NOS1: variants seen among roughly 807,000 people sequenced by gnomAD.
NOS1 encodes nitric oxide synthase 1.
In NOS1, 51 loss-of-function variants were observed where a neutral mutation model predicts 164.5. The ratio of observed to expected loss-of-function variants is 0.31; its 90% CI spans 0.25 to 0.39. NOS1 has a LOEUF of 0.39. Ranked by LOEUF, NOS1 falls within the 10% of genes least tolerant of loss-of-function variation. The pLI is 1.00. For synonymous variants in NOS1, 719 were observed against 745.8 expected, an observed-to-expected ratio of 0.96 and a Z score of 0.59; for missense variants, 1,362 against 1,885.6, an observed-to-expected ratio of 0.72 and a Z score of 5.14.
Position 117,331,098 on chromosome 12 carries a change from G to T in NOS1, c.-29C>A, listed in dbSNP as rs758097024. ...AACTAGCTTCCGAGGGGTCCTGTCT[G>T]AAGACCTCACAATGCTATCAGGCCA... On this transcript the variant is annotated 5_prime_UTR_variant, in exon 2 of 29. Transcript: ENST00000317775. 4.1e-4 allele frequency: 650 copies of T among 1,584,912 alleles called. No individual in the cohort carries two copies. The highest frequency in any genetic ancestry group is 5.5e-4 in the Non-Finnish European group (639 of 1,163,988).
chr12:117,294,889 T>C (rs1337614128), intron 3 of NOS1, among the ~76,000 whole-genome samples: 1 of 152,252 alleles, frequency 6.6e-6, no homozygotes, highest in Non-Finnish European at 1.5e-5. Flanking sequence ...GGCATTTTCA[T>C]AGCCTTGTCA....
chr12:117,225,276 C>G (rs567310181), intron 24 of NOS1, 139 bp from the exon 25 acceptor site: 1 of 1,145,940 alleles, frequency 8.7e-7, no homozygotes, highest in South Asian at 1.6e-5. Context: ...CCAGGTGCCC[C>G]TTTCCAGGGT....
At position 117,210,922 on chromosome 12, in the gene NOS1, C is replaced by T. The variant is rs1218456557; in HGVS notation, c.*4387G>A. The T allele has an allele frequency of 1.1e-5, 11 of 984,544 alleles. No homozygotes were observed. Among genetic ancestry groups the T allele is most frequent in the Non-Finnish European group, 1.3e-5 (11 of 829,228 alleles). 61.0% of individuals were successfully genotyped at this position (984,544 alleles called of 1,614,324 possible). A position where few individuals can be genotyped will look rare whatever the true frequency, so the allele number is the denominator to read the frequency against. On this transcript the variant is annotated 3_prime_UTR_variant, in exon 29 of 29. Coordinates refer to ENST00000317775, the MANE Select transcript of NOS1 (RefSeq NM_000620.5). Reference sequence around the variant, plus strand: ...GAGCCTGCTCTTCAGAGACCTCTCTCTCAGCTAGGGGCAAGATGTTTTATT... The same window carrying T: ...GAGCCTGCTCTTCAGAGACCTCTCTTTCAGCTAGGGGCAAGATGTTTTATT...
At chr12:117,351,062 C>T (rs1386640830) in intron 1 of NOS1, among the ~76,000 whole-genome samples, 4 of 151,896 alleles carry the variant, frequency 2.6e-5, no homozygotes, top group African/African-American at 4.8e-5. Context: ...TGCAGTGAGC[C>T]GAGATCGCGC....
At chr12:117,297,638 G>A (rs1172950886) in intron 3 of NOS1, among the ~76,000 whole-genome samples, 1 of 152,118 alleles carries the variant, frequency 6.6e-6, no homozygotes, top group Non-Finnish European at 1.5e-5. Flanking sequence ...GTATCCGCCT[G>A]CCTTGGCCTC....
At chr12:117,223,098 T>A (rs1202434653) in intron 25 of NOS1, among the ~76,000 whole-genome samples, 3 of 152,046 alleles carry the variant, frequency 2.0e-5, no homozygotes, top group Non-Finnish European at 4.4e-5. Context: ...GGAGGTGAAG[T>A]GTGTTCAGAT....
At chr12:117,359,316 T>G (rs1038886560) in intron 1 of NOS1, among the ~76,000 whole-genome samples, 1 of 152,244 alleles carries the variant, frequency 6.6e-6, no homozygotes, top group Non-Finnish European at 1.5e-5. Context: ...CCCTGCGCAC[T>G]TGGGGAGCTG....
chr12:117,288,706 T>G (rs41359947), intron 4 of NOS1, among the ~76,000 whole-genome samples: 18 of 152,204 alleles, frequency 1.2e-4, no homozygotes, highest in African/African-American at 3.9e-4. Context: ...GGGCTGGTTT[T>G]GACCCTTAGG....
chr12:117,349,030 G>A (rs1376841917), intron 1 of NOS1, among the ~76,000 whole-genome samples: 1 of 152,322 alleles, frequency 6.6e-6, no homozygotes, highest in Non-Finnish European at 1.5e-5. Flanking sequence ...AAAGAAACTC[G>A]TTGTACCATA....
At chr12:117,360,885 C>A (rs1877110224) in intron 1 of NOS1, among the ~76,000 whole-genome samples, 1 of 152,192 alleles carries the variant, frequency 6.6e-6, no homozygotes, top group Non-Finnish European at 1.5e-5. Flanking sequence ...CAGCGCACAG[C>A]TCGGAGCCAA....
Position 117,260,494 on chromosome 12 carries a change from C to T in NOS1, c.2338G>A (p.Glu780Lys). 1 of 1,614,138 alleles carries T rather than the reference C, an allele frequency of 6.2e-7. No individual in the cohort carries two copies. Among genetic ancestry groups the T allele is most frequent in the Non-Finnish European group, 8.5e-7 (1 of 1,180,012 alleles). ...GCATCAAAGGCGTGTTTGAAGATCT[C>T]ACACAAGGTCTTGGCATAAGCTTGC... Reference protein sequence around the residue: ...KSQAYAKTLCEIFKHAFDAKV... With the variant: ...KSQAYAKTLCKIFKHAFDAKV... The change falls in exon 14 of 29, where the codon GAG (glutamate) becomes AAG (lysine). Residue 780 changes from glutamate (E) to lysine (K), a missense_variant. Glu to Lys is a moderately conservative substitution (Grantham distance 56). Coordinates refer to ENST00000317775, the MANE Select transcript of NOS1 (RefSeq NM_000620.5).
chr12:117,231,859 A>T, intron 22 of NOS1, 103 bp downstream of exon 22: 1 of 1,284,406 alleles, frequency 7.8e-7, no homozygotes. Context: ...CCCTTGGCTC[A>T]AGACTTCCAT....
chr12:117,346,163 C>T (rs114120442), intron 1 of NOS1, among the ~76,000 whole-genome samples: 1,573 of 152,326 alleles, frequency 0.01, 36 homozygotes, highest in African/African-American at 0.036. Context: ...AGACTTCAGA[C>T]ACTTGGTTAA....
At chr12:117,223,180 GCCCAGACTCTGGGCCTAAGA>G (rs1868366688) in intron 25 of NOS1, among the ~76,000 whole-genome samples, 1 of 151,970 alleles carries the variant, frequency 6.6e-6, no homozygotes, top group Non-Finnish European at 1.5e-5. Flanking sequence ...CCCACCTGAT[GCCCAGACTCTGGGCCTAAGA>G]CCCAAGCCTC....
chr12:117,238,503 G>GTTTCT (rs139116957), intron 20 of NOS1, among the ~76,000 whole-genome samples: 9,108 of 151,236 alleles, frequency 0.06, 463 homozygotes, highest in African/African-American at 0.13. Flanking sequence ...GAGAGCTATT[G>GTTTCT]TTTCTTTTCT....
In NOS1 at chr12:117,268,097, C is replaced by T. The variant is rs1344920692; in HGVS notation, c.1887G>A (p.Leu629=). 3.1e-6 allele frequency: 5 copies of T among 1,614,118 alleles called. No individual in the cohort carries two copies. The highest frequency in any genetic ancestry group is 1.1e-5 in the South Asian group (1 of 91,074). ...TCTCCACCAGCGCCTGGTCCTTCCA[C>T]AGGGAGGACGTCTTCCTCATGTCTA... ...MNLDMRKTSS[L]WKDQALVEIN... The change falls in exon 11 of 29, where the codon CTG becomes CTA. Residue 629 remains leucine, a synonymous_variant. Transcript: ENST00000317775.
chr12:117,348,620 G>A (rs575821294), intron 1 of NOS1, among the ~76,000 whole-genome samples: 75 of 152,186 alleles, frequency 4.9e-4, no homozygotes, highest in African/African-American at 1.6e-3. Context: ...CCACGAAATC[G>A]TCGTATAAAT....
chr12:117,263,478 A>T (rs745900791), intron 13 of NOS1, among the ~76,000 whole-genome samples: 3 of 151,876 alleles, frequency 2.0e-5, no homozygotes, highest in Non-Finnish European at 2.9e-5. Context: ...TGGGGAACAG[A>T]CCCTATCTCA....
intron 2 of NOS1, among the ~76,000 whole-genome samples, chr12:117,329,349 C>T (rs950891070): frequency 1.3e-4 from 20 of 151,986 alleles, no homozygotes; most frequent in African/African-American, 2.4e-4. Flanking sequence ...TTGTGGGGGG[C>T]GGAATGTTCC....
Sources: allele counts gnomAD v4.1 joint callset (sites outside exome capture counted in the v4.1 genomes callset), GRCh38; gene constraint gnomAD v4.1.1; transcripts MANE v1.5; gene names NCBI Gene and HGNC (gene_info 2026-07-23, HGNC 2026-07-21).